Variants in KITLG observed in about 807,000 individuals in gnomAD.
KITLG encodes the protein c-Kit ligand.
In KITLG, 13 loss-of-function variants were observed where a neutral mutation model predicts 34.1. That is an observed-to-expected ratio of 0.38 (90% CI 0.25 to 0.61). KITLG has a LOEUF of 0.61. KITLG is among the 20% of genes least tolerant of loss of function. The pLI, the probability that KITLG is intolerant of heterozygous loss-of-function variation, is 0.60. For missense variants in KITLG, 292 were observed against 318.9 expected, an observed-to-expected ratio of 0.92 and a Z score of 0.64; for synonymous variants, 110 against 104.0, an observed-to-expected ratio of 1.06 and a Z score of -0.35.
intron 3 of KITLG, among the ~76,000 whole-genome samples, chr12:88,529,641 G>T (rs144039924): frequency 6.6e-6 from 1 of 152,206 alleles, no homozygotes; most frequent in East Asian, 1.9e-4. Context: ...TATTGCTTTG[G>T]CACCAGAGAA....
chr12:88,527,413 G>T (rs1869915074), intron 3 of KITLG, among the ~76,000 whole-genome samples: 1 of 152,226 alleles, frequency 6.6e-6, no homozygotes, highest in Non-Finnish European at 1.5e-5. Flanking sequence ...GAATAGCCAA[G>T]AAGTGAAATT....
At chr12:88,564,410 C>T (rs893301740) in intron 1 of KITLG, 1 of 151,984 alleles carries the variant, frequency 6.6e-6, no homozygotes, top group Non-Finnish European at 1.5e-5. Context: ...AAGAGATTTT[C>T]TCACCATATG....
At position 88,507,045 on chromosome 12, in the gene KITLG, CA is replaced by C. The variant is rs1416261436; in HGVS notation, c.696del (p.Phe232LeufsTer29). 1 of 1,606,208 alleles carries C rather than the reference CA, an allele frequency of 6.2e-7. No individual in the cohort carries two copies. Among genetic ancestry groups the C allele is most frequent in the South Asian group, 1.1e-5 (1 of 90,914 alleles). ...CCACTTACCTTCCAGTATAAGGCTC[CA>C]AAAGCAAAGCCAATTATAAGAGAAA... ...ALFSLIIGFA[F>X]GALYWKKRQP... is the part of the protein sequence containing the mutation. On this transcript the variant is annotated frameshift_variant, in exon 7 of 10. Transcript: ENST00000644744. LOFTEE classifies it high-confidence loss of function.
At chr12:88,554,449 C>T (rs1460709384) in intron 1 of KITLG, among the ~76,000 whole-genome samples, 1 of 152,152 alleles carries the variant, frequency 6.6e-6, no homozygotes, top group African/African-American at 2.4e-5. Context: ...CTGAACAAAA[C>T]AGCAGCTGCT....
chr12:88,504,105 C>T (rs1566017842), intron 9 of KITLG, among the ~76,000 whole-genome samples: 1 of 152,062 alleles, frequency 6.6e-6, no homozygotes, highest in Non-Finnish European at 1.5e-5. Context: ...AGTAAACATA[C>T]AACTGTTAAT....
chr12:88,562,605 C>T (rs1871331930), intron 1 of KITLG, among the ~76,000 whole-genome samples: 2 of 152,182 alleles, frequency 1.3e-5, no homozygotes, highest in South Asian at 4.1e-4. Flanking sequence ...ATCCTTCTCA[C>T]TCTTAGGCTC....
intron 1 of KITLG, among the ~76,000 whole-genome samples, chr12:88,573,200 A>G (rs1380674256): frequency 1.3e-5 from 2 of 152,190 alleles, no homozygotes; most frequent in Non-Finnish European, 2.9e-5. Flanking sequence ...AGAGTTCTGC[A>G]GTGAACATGA....
Position 88,494,093 on chromosome 12 carries a change from A to G in KITLG, c.*3126T>C, listed in dbSNP as rs367833002. On this transcript the variant is annotated 3_prime_UTR_variant, in exon 10 of 10. Coordinates refer to ENST00000644744, the MANE Select transcript of KITLG (RefSeq NM_000899.5). Reference sequence around the variant, plus strand: ...CCCCTAAGGAGTGATCTCTGAGTTTACCATATAGATAAATAAAAAATTGAG... The same window carrying G: ...CCCCTAAGGAGTGATCTCTGAGTTTGCCATATAGATAAATAAAAAATTGAG... The G allele has an allele frequency of 4.6e-5, 7 of 152,004 alleles. No homozygotes were observed. In the East Asian group the frequency reaches 1.2e-3, roughly 25 times the overall value. 9.4% of individuals were successfully genotyped at this position (152,004 alleles called of 1,614,324 possible). A position where few individuals can be genotyped will look rare whatever the true frequency, so the allele number is the denominator to read the frequency against.
intron 1 of KITLG, among the ~76,000 whole-genome samples, chr12:88,575,917 G>GA (rs769747360): frequency 4.0e-5 from 6 of 150,646 alleles, no homozygotes; most frequent in Admixed American, 1.3e-4. Context: ...CTAGCATAAT[G>GA]AAAAAAAAAT....
chr12:88,508,938 G>A (rs1311195753), intron 6 of KITLG, among the ~76,000 whole-genome samples: 2 of 152,034 alleles, frequency 1.3e-5, no homozygotes, highest in African/African-American at 4.8e-5. Flanking sequence ...ATGGATTCAG[G>A]GTTACAAACA....
chr12:88,556,449 A>G (rs976535416), intron 1 of KITLG, among the ~76,000 whole-genome samples: 19 of 152,184 alleles, frequency 1.2e-4, no homozygotes, highest in Non-Finnish European at 5.9e-5. Flanking sequence ...CACTGAAGTA[A>G]TCCAAAGCTG....
At chr12:88,556,540 C>A (rs77117203) in intron 1 of KITLG, among the ~76,000 whole-genome samples, 3 of 152,156 alleles carry the variant, frequency 2.0e-5, no homozygotes, top group African/African-American at 7.2e-5. Context: ...GGAAGTAGAA[C>A]GGAAGATCTT....
intron 6 of KITLG, among the ~76,000 whole-genome samples, chr12:88,513,340 A>T (rs905342303): frequency 2.6e-5 from 4 of 151,876 alleles, no homozygotes; most frequent in African/African-American, 9.6e-5. Context: ...AACCAAAAAA[A>T]AAGGGCTAGA....
chr12:88,535,955 A>G (rs1870301921), intron 2 of KITLG, among the ~76,000 whole-genome samples: 1 of 152,212 alleles, frequency 6.6e-6, no homozygotes, highest in Non-Finnish European at 1.5e-5. Context: ...ATGCTGGAAG[A>G]AAACTTAGTA....
intron 3 of KITLG, among the ~76,000 whole-genome samples, chr12:88,522,753 C>A (rs151336841): frequency 6.6e-6 from 1 of 152,066 alleles, no homozygotes; most frequent in African/African-American, 2.4e-5. Context: ...AGAGCAGTCA[C>A]GGTAAGATTT....
In KITLG at chr12:88,522,616, T is replaced by A. The variant is rs371076489; in HGVS notation, c.193-3749A>T. ...CTAACTTTTGTTTTTTTAGTAGAGATGGGATTTCACCATGTTGGCTAGGCT... is the reference window on the plus strand; with the variant it reads ...CTAACTTTTGTTTTTTTAGTAGAGAAGGGATTTCACCATGTTGGCTAGGCT... On this transcript the variant is annotated intron_variant, in intron 3 of 9. Transcript: ENST00000644744. Among the ~76,000 whole-genome samples, 10 of 152,012 alleles carry A rather than the reference T, an allele frequency of 6.6e-5. No individual in the cohort carries two copies. In the East Asian group the frequency reaches 1.7e-3, roughly 27 times the overall value.
chr12:88,528,695 G>A (rs1869969117), intron 3 of KITLG, among the ~76,000 whole-genome samples: 1 of 152,094 alleles, frequency 6.6e-6, no homozygotes, highest in Non-Finnish European at 1.5e-5. Context: ...TATTCAAGAA[G>A]TTCAGAAACA....
chr12:88,505,126 A>G (rs1162743634), intron 9 of KITLG, 33 bp downstream of exon 9: 8 of 1,169,248 alleles, frequency 6.8e-6, no homozygotes, highest in Non-Finnish European at 1.0e-5. Flanking sequence ...TAATAAAAAA[A>G]AGAAAAAAAA....
rs553750261 is a variant in KITLG, at chr12:88,496,415, C to T, written c.*804G>A. On this transcript the variant is annotated 3_prime_UTR_variant, in exon 10 of 10. Coordinates refer to ENST00000644744, the MANE Select transcript of KITLG (RefSeq NM_000899.5). ...ACCCTATAGTGGTCAAGGGAAAAGG[C>T]GGACTTTCCCAGGATGCCAATGTCC... The T allele has an allele frequency of 6.6e-6, 1 of 152,278 alleles. No individual in the cohort carries two copies. Among genetic ancestry groups the T allele is most frequent in the African/African-American group, 2.4e-5 (1 of 41,570 alleles). 9.4% of individuals were successfully genotyped at this position (152,278 alleles called of 1,614,324 possible). A position where few individuals can be genotyped will look rare whatever the true frequency, so the allele number is the denominator to read the frequency against.
Sources: gnomAD v4.1 joint callset for allele counts (sites outside exome capture counted in the v4.1 genomes callset) on GRCh38, gnomAD v4.1.1 for gene constraint, MANE v1.5 for transcripts, NCBI Gene and HGNC (gene_info 2026-07-23, HGNC 2026-07-21) for gene names.